MLLT10: variants seen among roughly 807,000 people sequenced by gnomAD.
The protein encoded by MLLT10 is protein AF-10.
In MLLT10, 30 loss-of-function variants were observed where a neutral mutation model predicts 129.1. The ratio of observed to expected loss-of-function variants is 0.23; its 90% CI spans 0.17 to 0.32. The LOEUF (loss-of-function observed/expected upper bound fraction) is 0.32. Among genes scored for constraint, MLLT10 ranks in the 10% least tolerant of loss-of-function variants. The pLI is 1.00. For synonymous variants in MLLT10, 490 were observed against 446.4 expected (o/e 1.10, Z -1.23); for missense variants, 1,119 against 1,268.3 (o/e 0.88, Z 1.79).
chr10:21,550,737 G>C (rs920597196), intron 3 of MLLT10, among the ~76,000 whole-genome samples: 2 of 151,950 alleles, frequency 1.3e-5, no homozygotes, highest in African/African-American at 2.4e-5. Flanking sequence ...TTCACATGTT[G>C]CCCAGGCTGG....
intron 17 of MLLT10, 130 bp from the exon 18 acceptor site, chr10:21,732,769 C>G: frequency 1.4e-6 from 1 of 717,960 alleles, no homozygotes; most frequent in Non-Finnish European, 2.1e-6. Flanking sequence ...AAAACTTTAT[C>G]ATTTAGAAAC....
intron 4 of MLLT10, among the ~76,000 whole-genome samples, chr10:21,588,889 T>C (rs1182582569): frequency 6.6e-6 from 1 of 151,608 alleles, no homozygotes; most frequent in African/African-American, 2.4e-5. Flanking sequence ...AGTGGCTTGA[T>C]CTTGGCTCAC....
At chr10:21,552,643 C>T (rs575593457) in intron 3 of MLLT10, among the ~76,000 whole-genome samples, 87 of 151,792 alleles carry the variant, frequency 5.7e-4, no homozygotes, top group African/African-American at 2.0e-3. Context: ...CCACCCGCCT[C>T]GGCCTCCCAA....
chr10:21,628,041 T>C (rs2046628049), intron 8 of MLLT10, among the ~76,000 whole-genome samples: 1 of 152,222 alleles, frequency 6.6e-6, no homozygotes, highest in Non-Finnish European at 1.5e-5. Flanking sequence ...GGTTTAAGCC[T>C]TTAGTAGCAG....
intron 8 of MLLT10, among the ~76,000 whole-genome samples, chr10:21,643,735 A>T (rs767910828): frequency 3.3e-5 from 5 of 152,222 alleles, no homozygotes; most frequent in Non-Finnish European, 5.9e-5. Flanking sequence ...AAGTTTAACT[A>T]CAGTAAGTCT....
intron 11 of MLLT10, among the ~76,000 whole-genome samples, chr10:21,680,125 C>T (rs900278232): frequency 2.0e-5 from 3 of 151,980 alleles, no homozygotes; most frequent in Non-Finnish European, 2.9e-5. Context: ...GTTCTCTGCA[C>T]CCTCTGCTTG....
At chr10:21,666,708 A>G (rs1265728483) in intron 9 of MLLT10, among the ~76,000 whole-genome samples, 1 of 152,004 alleles carries the variant, frequency 6.6e-6, no homozygotes, top group African/African-American at 2.4e-5. Flanking sequence ...ACAAGTCTTT[A>G]TTGTTTACCA....
Position 21,653,181 on chromosome 10 carries a change from C to T in MLLT10, c.795+1413C>T, listed in dbSNP as rs114531923. On this transcript the variant is annotated intron_variant, in intron 9 of 22. Transcript: ENST00000307729. ...GTCTGGGTGGACTCAGCTGTTTCCT[C>T]TAATTAGGGTCTCTCAAGGCCAAAA... Among the ~76,000 whole-genome samples the T allele has an allele frequency of 2.0e-3, 307 of 152,296 alleles. 1 individual carries two copies. Among genetic ancestry groups the T allele is most frequent in the African/African-American group, 7.0e-3 (289 of 41,564 alleles).
At chr10:21,675,592 A>C (rs1050583348) in intron 11 of MLLT10, among the ~76,000 whole-genome samples, 2 of 152,250 alleles carry the variant, frequency 1.3e-5, no homozygotes, top group African/African-American at 4.8e-5. Flanking sequence ...TTCCTTTGAA[A>C]CTAGAAGGGC....
At chr10:21,596,051 T>G (rs1016987959) in intron 5 of MLLT10, among the ~76,000 whole-genome samples, 6 of 152,066 alleles carry the variant, frequency 3.9e-5, no homozygotes, top group African/African-American at 1.4e-4. Context: ...AGGTACACAT[T>G]CCATCCGTGG....
chr10:21,683,255 T>G (rs554247701), intron 13 of MLLT10, among the ~76,000 whole-genome samples: 1 of 152,266 alleles, frequency 6.6e-6, no homozygotes, highest in East Asian at 1.9e-4. Flanking sequence ...TATTAATTAG[T>G]AGATTGATTC....
At chr10:21,556,325 G>C (rs1459623579) in intron 3 of MLLT10, among the ~76,000 whole-genome samples, 2 of 152,182 alleles carry the variant, frequency 1.3e-5, no homozygotes, top group Non-Finnish European at 2.9e-5. Context: ...ACATTATTGA[G>C]TGATAGACTT....
At chr10:21,595,011 T>TA (rs1215191065) in intron 4 of MLLT10, among the ~76,000 whole-genome samples, 1 of 152,210 alleles carries the variant, frequency 6.6e-6, no homozygotes, top group African/African-American at 2.4e-5. Context: ...ACTCCTTTTA[T>TA]AGTGGTTCTC....
rs1236414916 is a variant in MLLT10, at chr10:21,643,558, T to C, written c.700-8115T>C. Among the ~76,000 whole-genome samples, 3 of 152,240 alleles carry C rather than the reference T, an allele frequency of 2.0e-5. No homozygotes were observed. The East Asian group carries it at 5.8e-4, about 29-fold the overall frequency. ...ATAAGTTCTTAGGACTTGTGTTCTC[T>C]GATTTCTTTCATAATGGAGAACATT... On this transcript the variant is annotated intron_variant, in intron 8 of 22. Coordinates refer to ENST00000307729, the MANE Select transcript of MLLT10 (RefSeq NM_001195626.3).
intron 3 of MLLT10, among the ~76,000 whole-genome samples, chr10:21,576,210 G>T (rs1351488284): frequency 6.6e-6 from 1 of 151,172 alleles, no homozygotes; most frequent in African/African-American, 2.4e-5. Flanking sequence ...GGTTACAGGC[G>T]TGAGCCACCG....
At chr10:21,550,529 T>C (rs1041109976) in intron 3 of MLLT10, among the ~76,000 whole-genome samples, 1 of 152,172 alleles carries the variant, frequency 6.6e-6, no homozygotes, top group Non-Finnish European at 1.5e-5. Flanking sequence ...TACTGATTCC[T>C]TTAGCTTTTT....
At chr10:21,638,016 C>T (rs1336825166) in intron 8 of MLLT10, among the ~76,000 whole-genome samples, 1 of 151,924 alleles carries the variant, frequency 6.6e-6, no homozygotes, top group African/African-American at 2.4e-5. Flanking sequence ...TTCTGGAATC[C>T]TATGCTGTTT....
intron 5 of MLLT10, among the ~76,000 whole-genome samples, chr10:21,601,748 C>T (rs1420148455): frequency 6.6e-6 from 1 of 152,070 alleles, no homozygotes; most frequent in African/African-American, 2.4e-5. Flanking sequence ...ATATATAGCC[C>T]AGGCTGGTTG....
chr10:21,717,147 G>A (rs2056628137), intron 14 of MLLT10, among the ~76,000 whole-genome samples: 1 of 151,158 alleles, frequency 6.6e-6, no homozygotes, highest in Non-Finnish European at 1.5e-5. Context: ...CAGCTACTCG[G>A]GAGGCTGAGG....
Sources: gnomAD v4.1 joint callset for allele counts (sites outside exome capture counted in the v4.1 genomes callset) on GRCh38, gnomAD v4.1.1 for gene constraint, MANE v1.5 for transcripts, NCBI Gene and HGNC (gene_info 2026-07-23, HGNC 2026-07-21) for gene names.